FAF1: variants seen among roughly 807,000 people sequenced by gnomAD.
FAF1 encodes the protein FAS-associated factor 1.
In FAF1, 25 loss-of-function variants were observed where a neutral mutation model predicts 92.5. The ratio of observed to expected loss-of-function variants is 0.27; its 90% CI spans 0.20 to 0.38. FAF1 has a LOEUF of 0.38. Among genes scored for constraint, FAF1 ranks in the 10% least tolerant of loss-of-function variants. The pLI is 1.00. For synonymous variants in FAF1, 234 were observed against 273.2 expected (o/e 0.86, Z 1.42); for missense variants, 636 against 793.3 (o/e 0.80, Z 2.38).
chr1:50,832,314 G>C (rs1047989036), intron 2 of FAF1, among the ~76,000 whole-genome samples: 2 of 152,132 alleles, frequency 1.3e-5, no homozygotes, highest in African/African-American at 4.8e-5. Context: ...AGCACCAGCA[G>C]CCTCAACAGT....
At chr1:50,815,712 TA>T (rs1643964817) in intron 2 of FAF1, among the ~76,000 whole-genome samples, 1 of 152,244 alleles carries the variant, frequency 6.6e-6, no homozygotes. Flanking sequence ...CAGCATCTGT[TA>T]TTTTTTTACT....
At chr1:50,494,735 T>C (rs1186365789) in intron 15 of FAF1, among the ~76,000 whole-genome samples, 3 of 152,236 alleles carry the variant, frequency 2.0e-5, no homozygotes, top group African/African-American at 7.2e-5. Flanking sequence ...CTCTATTTCA[T>C]ATGTCTTCGT....
At chr1:50,793,588 G>A (rs977197940) in intron 3 of FAF1, among the ~76,000 whole-genome samples, 8 of 152,256 alleles carry the variant, frequency 5.3e-5, no homozygotes, top group South Asian at 2.1e-4. Context: ...GGACTGTAAC[G>A]TAAGAAGGGA....
intron 1 of FAF1, among the ~76,000 whole-genome samples, chr1:50,885,444 C>A (rs1216346733): frequency 6.6e-6 from 1 of 151,842 alleles, no homozygotes; most frequent in Non-Finnish European, 1.5e-5. Context: ...TATACAGTAA[C>A]CTTTGTCTTT....
intron 8 of FAF1, among the ~76,000 whole-genome samples, chr1:50,623,320 C>A (rs1267818046): frequency 6.6e-6 from 1 of 152,118 alleles, no homozygotes; most frequent in Non-Finnish European, 1.5e-5. Context: ...GTAATCCTAG[C>A]ACTTTGGGAG....
At chr1:50,608,219 G>C (rs1182025077) in intron 8 of FAF1, among the ~76,000 whole-genome samples, 1 of 152,192 alleles carries the variant, frequency 6.6e-6, no homozygotes, top group African/African-American at 2.4e-5. Context: ...GTAACTTCTG[G>C]GTGTTCCCAT....
intron 2 of FAF1, among the ~76,000 whole-genome samples, chr1:50,822,102 G>A (rs1477529790): frequency 6.6e-6 from 1 of 150,566 alleles, no homozygotes; most frequent in Non-Finnish European, 1.5e-5. Context: ...GATCCTAACA[G>A]CCAAATATTT....
chr1:50,536,185 G>C (rs947843355), intron 14 of FAF1, among the ~76,000 whole-genome samples: 5 of 152,146 alleles, frequency 3.3e-5, no homozygotes, highest in Non-Finnish European at 5.9e-5. Context: ...TCTTTATAAA[G>C]AAGGTATTTT....
intron 1 of FAF1, among the ~76,000 whole-genome samples, chr1:50,948,006 G>A (rs781110673): frequency 6.6e-6 from 1 of 151,996 alleles, no homozygotes; most frequent in African/African-American, 2.4e-5. Context: ...CTGACAGTAC[G>A]AGAAAGAAAC....
intron 1 of FAF1, among the ~76,000 whole-genome samples, chr1:50,889,194 TG>T (rs1297806006): frequency 6.6e-6 from 1 of 152,258 alleles, no homozygotes; most frequent in Non-Finnish European, 1.5e-5. Flanking sequence ...TGTATTTCTG[TG>T]GGATCGGTGG....
intron 6 of FAF1, among the ~76,000 whole-genome samples, chr1:50,732,871 G>A (rs191163914): frequency 1.2e-4 from 18 of 150,956 alleles, no homozygotes; most frequent in Middle Eastern, 3.4e-3. Context: ...CTTTCTTCTA[G>A]ATGTATGCAG....
rs527781185 is a variant in FAF1, at chr1:50,944,195, C to A, written c.45+15572G>T. Among the ~76,000 whole-genome samples, 16 of 152,158 alleles carry A rather than the reference C, an allele frequency of 1.1e-4. No individual in the cohort carries two copies. The East Asian group carries it at 3.1e-3, about 29-fold the overall frequency. On this transcript the variant is annotated intron_variant, in intron 1 of 18. Transcript: ENST00000396153. Reference sequence around the variant, plus strand: ...CCAACCACTGCTGTTTCCAGTAGACCTCCCAGTAAGTTTACAGGGAATGAC... The same window carrying A: ...CCAACCACTGCTGTTTCCAGTAGACATCCCAGTAAGTTTACAGGGAATGAC...
At chr1:50,761,457 G>A (rs868085119) in intron 4 of FAF1, among the ~76,000 whole-genome samples, 44 of 152,164 alleles carry the variant, frequency 2.9e-4, no homozygotes, top group Middle Eastern at 3.4e-3. Context: ...CTGGCAAACC[G>A]AATCCAGCAG....
chr1:50,779,030 CTT>C (rs1342833646), intron 4 of FAF1, among the ~76,000 whole-genome samples: 1 of 152,078 alleles, frequency 6.6e-6, no homozygotes, highest in Non-Finnish European at 1.5e-5. Context: ...ATTCTAAATC[CTT>C]TTTTTGTCAT....
At chr1:50,518,592 C>A (rs528400744) in intron 15 of FAF1, among the ~76,000 whole-genome samples, 1 of 152,194 alleles carries the variant, frequency 6.6e-6, no homozygotes, top group South Asian at 2.1e-4. Context: ...AGGTGCCTCC[C>A]ACCACGTCTG....
rs550496464 is a variant in FAF1, at chr1:50,597,889, T to C, written c.745-1673A>G. 2.2e-3 allele frequency among the ~76,000 whole-genome samples: 342 copies of C among 152,332 alleles called. 3 individuals are homozygous for C. Among genetic ancestry groups the C allele is most frequent in the African/African-American group, 8.1e-3 (338 of 41,574 alleles). On this transcript the variant is annotated intron_variant, in intron 8 of 18. Coordinates refer to ENST00000396153, the MANE Select transcript of FAF1 (RefSeq NM_007051.3). The stretch of plus-strand genomic sequence containing the variant: ...CTTGTTGATCCCTAAAGGAACTTTT[T>C]CTATTTAGTAACAGGAGACGGCTAA...
intron 17 of FAF1, among the ~76,000 whole-genome samples, chr1:50,489,008 C>T (rs1646798726): frequency 6.6e-6 from 1 of 152,186 alleles, no homozygotes; most frequent in African/African-American, 2.4e-5. Flanking sequence ...TTAAGTTTCA[C>T]TTATCTTTTA....
intron 9 of FAF1, among the ~76,000 whole-genome samples, chr1:50,595,204 G>A (rs777596419): frequency 7.2e-5 from 11 of 151,852 alleles, no homozygotes; most frequent in Non-Finnish European, 1.3e-4. Flanking sequence ...AAAGGAATGC[G>A]CCACCACACC....
chr1:50,848,234 A>G (rs1377059318), intron 2 of FAF1, among the ~76,000 whole-genome samples: 1 of 152,250 alleles, frequency 6.6e-6, no homozygotes, highest in Admixed American at 6.5e-5. Flanking sequence ...ACTGACTACC[A>G]GAAGTAAAAA....
Sources: gnomAD v4.1 joint callset for allele counts (sites outside exome capture counted in the v4.1 genomes callset) on GRCh38, gnomAD v4.1.1 for gene constraint, MANE v1.5 for transcripts, NCBI Gene and HGNC (gene_info 2026-07-23, HGNC 2026-07-21) for gene names.